Variants in ESRRG observed in about 807,000 individuals in gnomAD.
ESRRG encodes estrogen related receptor gamma.
Under a neutral mutation model 44.0 loss-of-function variants are expected in ESRRG, and 13 were observed. The ratio of observed to expected loss-of-function variants is 0.30; its 90% CI spans 0.19 to 0.47. The LOEUF (loss-of-function observed/expected upper bound fraction) is 0.47, where lower values mean the gene tolerates loss of function less well. Ranked by LOEUF, ESRRG falls within the 20% of genes least tolerant of loss-of-function variation. The probability of loss-of-function intolerance (pLI) is 1.00; values close to 1 mark genes in which losing one functional copy is unlikely to be tolerated. For synonymous variants in ESRRG, 215 were observed against 214.6 expected (o/e 1.00, Z -0.02); for missense variants, 395 against 580.6 (o/e 0.68, Z 3.29).
intron 2 of ESRRG, among the ~76,000 whole-genome samples, chr1:216,928,299 C>T (rs1297237056): frequency 1.3e-5 from 2 of 152,128 alleles, no homozygotes; most frequent in African/African-American, 2.4e-5. Context: ...ACCTCTTTTC[C>T]CCAGTGTCTC....
intron 2 of ESRRG, among the ~76,000 whole-genome samples, chr1:216,802,268 A>T (rs184818245): frequency 6.6e-6 from 1 of 152,240 alleles, no homozygotes; most frequent in African/African-American, 2.4e-5. Flanking sequence ...AGCAATGCAC[A>T]TCTTCCCAAG....
At chr1:216,670,101 T>C (rs901767312) in intron 2 of ESRRG, among the ~76,000 whole-genome samples, 1 of 152,250 alleles carries the variant, frequency 6.6e-6, no homozygotes, top group South Asian at 2.1e-4. Context: ...AGTTATTTTC[T>C]CTAGACACTA....
chr1:216,695,921 A>G (rs920732956), intron 1 of ESRRG, among the ~76,000 whole-genome samples: 1 of 152,196 alleles, frequency 6.6e-6, no homozygotes, highest in African/African-American at 2.4e-5. Context: ...TGGGAAAGTT[A>G]CTGTTAGGCA....
At chr1:216,706,322 A>G (rs192688005) in intron 1 of ESRRG, among the ~76,000 whole-genome samples, 2 of 152,338 alleles carry the variant, frequency 1.3e-5, no homozygotes, top group Non-Finnish European at 2.9e-5. Context: ...CAAACGAAGC[A>G]AAAACATAGG....
At chr1:216,779,523 A>AATATATATATATTTATAT (rs1393471927) in intron 2 of ESRRG, among the ~76,000 whole-genome samples, 7 of 92,022 alleles carry the variant, frequency 7.6e-5, no homozygotes, top group Admixed American at 1.8e-4. Flanking sequence ...TATAAATATA[A>AATATATATATATTTATAT]ATATAAATAT....
intron 2 of ESRRG, among the ~76,000 whole-genome samples, chr1:216,810,798 A>G (rs1168708641): frequency 6.7e-6 from 1 of 148,654 alleles, no homozygotes; most frequent in Non-Finnish European, 1.5e-5. Flanking sequence ...TAACTAATAT[A>G]TATAACTATG....
rs1331114856 is a variant in ESRRG at position 216,909,322 on chromosome 1, T to A, written c.-14+30260A>T. Among the ~76,000 whole-genome samples, 5 of 152,120 alleles carry A rather than the reference T, an allele frequency of 3.3e-5. No individual in the cohort carries two copies. In the South Asian group the frequency reaches 8.3e-4, roughly 25 times the overall value. ...CCAAGACCTCTACAGCCCTCCCCTG[T>A]CTATGAAAGTAAGAGCACAGGGAGT... is the stretch of plus-strand genomic sequence containing the variant. On this transcript the variant is annotated intron_variant, in intron 2 of 7. Transcript: ENST00000359162.
At chr1:216,940,327 T>C (rs1454625730) in intron 1 of ESRRG, among the ~76,000 whole-genome samples, 2 of 152,218 alleles carry the variant, frequency 1.3e-5, no homozygotes, top group East Asian at 3.8e-4. Flanking sequence ...TGTTATTCTA[T>C]CAATTTCAAC....
chr1:216,780,224 A>G lies in ESRRG; in HGVS notation c.-13-102733T>C, dbSNP rs560243534. ...CCAGGGCCTATCATTCACATTATGG[A>G]TTCCAAGCTTAACAAATGTAATTTA... On this transcript the variant is annotated intron_variant, in intron 2 of 7. Transcript: ENST00000359162. 3.3e-5 allele frequency among the ~76,000 whole-genome samples: 5 copies of G among 152,152 alleles called. No homozygotes were observed. The East Asian group carries it at 9.7e-4, about 30-fold the overall frequency.
At chr1:216,720,467 G>A (rs984769410) in intron 1 of ESRRG, among the ~76,000 whole-genome samples, 2 of 152,034 alleles carry the variant, frequency 1.3e-5, no homozygotes, top group African/African-American at 2.4e-5. Context: ...TAAACTTAAA[G>A]TGTCTGTTCA....
intron 1 of ESRRG, among the ~76,000 whole-genome samples, chr1:216,963,675 C>T (rs1390070808): frequency 6.6e-6 from 1 of 152,146 alleles, no homozygotes; most frequent in Non-Finnish European, 1.5e-5. Context: ...GCAGTGGTGT[C>T]CTTAGGGAAA....
At chr1:216,887,026 C>T (rs1050335571) in intron 2 of ESRRG, among the ~76,000 whole-genome samples, 4 of 152,140 alleles carry the variant, frequency 2.6e-5, no homozygotes, top group South Asian at 2.1e-4. Context: ...GTGTGAGCCA[C>T]GTCGCCCCGC....
chr1:216,828,181 G>A (rs889404207), intron 2 of ESRRG, among the ~76,000 whole-genome samples: 5 of 152,140 alleles, frequency 3.3e-5, no homozygotes, highest in African/African-American at 7.2e-5. Context: ...TGGGATCTTC[G>A]TAGTCCTCCT....
intron 1 of ESRRG, among the ~76,000 whole-genome samples, chr1:216,941,909 G>C (rs115069283): frequency 0.016 from 2,365 of 152,024 alleles, 30 homozygotes; most frequent in Non-Finnish European, 0.026. Context: ...GTTTTATTTT[G>C]TTTTATTTTA....
chr1:217,004,095 G>A (rs528335750), intron 1 of ESRRG, among the ~76,000 whole-genome samples: 5 of 152,014 alleles, frequency 3.3e-5, no homozygotes, highest in African/African-American at 4.8e-5. Flanking sequence ...CCAATGCATA[G>A]ACTGTGTTAT....
chr1:216,755,345 ACCTAGACCAGGACTCTAGATCTT>A (rs2092378998), intron 2 of ESRRG, among the ~76,000 whole-genome samples: 1 of 151,964 alleles, frequency 6.6e-6, no homozygotes, highest in African/African-American at 2.4e-5. Context: ...CCTTCATTCC[ACCTAGACCAGGACTCTAGATCTT>A]AGAGCCCCCC....
rs149283559 is a variant in ESRRG at position 216,698,970 on chromosome 1, G to T, written c.57-21479C>A. On this transcript the variant is annotated intron_variant, in intron 1 of 6. Transcript: ENST00000408911. ...GCCAGTTCAGGTTATAATGCTGACT[G>T]ATGTTGTGAACTTTATTCATTCATC... Among the ~76,000 whole-genome samples, 561 of 152,320 alleles carry T rather than the reference G, an allele frequency of 3.7e-3. 1 individual carries two copies. The highest frequency in any genetic ancestry group is 0.013 in the African/African-American group (549 of 41,570).
At chr1:217,088,685 C>T (rs772235068) in intron 1 of ESRRG, among the ~76,000 whole-genome samples, 3 of 151,914 alleles carry the variant, frequency 2.0e-5, no homozygotes, top group Non-Finnish European at 2.9e-5. Context: ...CAGGCCCTTC[C>T]GGACTCTTCC....
chr1:216,632,940 A>C (rs989099393), intron 3 of ESRRG, among the ~76,000 whole-genome samples: 10 of 152,166 alleles, frequency 6.6e-5, no homozygotes, highest in Non-Finnish European at 1.2e-4. Flanking sequence ...TCCTTTGCCT[A>C]AATGTTTAAA....
Sources: allele counts gnomAD v4.1 joint callset (sites outside exome capture counted in the v4.1 genomes callset), GRCh38; gene constraint gnomAD v4.1.1; transcripts MANE v1.5; gene names NCBI Gene and HGNC (gene_info 2026-07-23, HGNC 2026-07-21).